TPX2: variants seen among roughly 807,000 people sequenced by gnomAD.
TPX2 encodes the protein TPX2 microtubule nucleation factor.
A neutral mutation model predicts 93.6 loss-of-function variants in TPX2; 21 were observed. That is an observed-to-expected ratio of 0.22 (90% CI 0.16 to 0.32). TPX2 has a LOEUF of 0.32. Among genes scored for constraint, TPX2 ranks in the 10% least tolerant of loss-of-function variants. The probability of loss-of-function intolerance (pLI) is 1.00; values close to 1 mark genes in which losing one functional copy is unlikely to be tolerated. For synonymous variants in TPX2, 281 were observed against 298.3 expected (o/e 0.94, Z 0.60); for missense variants, 776 against 871.1 (o/e 0.89, Z 1.37).
chr20:31,798,312 G>C, intron 16 of TPX2, 53 bp from the exon 17 acceptor site: 1 of 1,610,982 alleles, frequency 6.2e-7, no homozygotes, highest in South Asian at 1.1e-5. Context: ...AGGGGGCGTA[G>C]GTTTATGCAA....
intron 1 of TPX2, 56 bp from the exon 2 acceptor site, chr20:31,742,485 C>T (rs1371604273): frequency 6.6e-6 from 1 of 152,116 alleles, no homozygotes; most frequent in Non-Finnish European, 1.5e-5. Flanking sequence ...GCCTGTTAAC[C>T]CTTTTTTACT....
chr20:31,742,655 A>C lies in TPX2; in HGVS notation c.-71+8A>C, dbSNP rs928028078. On this transcript the variant is annotated splice_region_variant and intron_variant, in intron 2 of 17. Coordinates refer to ENST00000300403, the MANE Select transcript of TPX2 (RefSeq NM_012112.5). ...AGACTGATTAAACCACAGGTAAGGC[A>C]GTGACCATAGGAATAAGGAACATTA... 4 of 152,274 alleles carry C rather than the reference A, an allele frequency of 2.6e-5. No homozygotes were observed. The highest frequency in any genetic ancestry group is 2.0e-4 in the Admixed American group (3 of 15,288). The allele number at this position is 152,274 out of a possible 1,614,324, so 9.4% of individuals were successfully genotyped here.
chr20:31,788,825 A>G (rs549340981), intron 12 of TPX2, among the ~76,000 whole-genome samples: 2 of 152,292 alleles, frequency 1.3e-5, no homozygotes, highest in Admixed American at 1.3e-4. Flanking sequence ...ACCAGTGAGT[A>G]ATTTTAGCAG....
At chr20:31,760,204 C>T in intron 4 of TPX2, 25 bp downstream of exon 4, 3 of 1,612,194 alleles carry the variant, frequency 1.9e-6, no homozygotes, top group Non-Finnish European at 1.7e-6. Context: ...TAGAAAAAAG[C>T]TCCTTGATAG....
intron 12 of TPX2, among the ~76,000 whole-genome samples, chr20:31,786,041 T>C (rs186886546): frequency 5.8e-4 from 89 of 152,354 alleles, no homozygotes; most frequent in Non-Finnish European, 1.0e-3. Context: ...TAGCTAATAC[T>C]TATATAATGC....
intron 10 of TPX2, among the ~76,000 whole-genome samples, chr20:31,781,540 C>T (rs1240044248): frequency 6.6e-6 from 1 of 151,694 alleles, no homozygotes; most frequent in Non-Finnish European, 1.5e-5. Context: ...GCTGGGATTA[C>T]AGGCGTGAGC....
chr20:31,751,680 T>C (rs1347545111), intron 2 of TPX2, among the ~76,000 whole-genome samples: 2 of 152,218 alleles, frequency 1.3e-5, no homozygotes, highest in South Asian at 2.1e-4. Flanking sequence ...TCTGGACTTC[T>C]GTTAGTTGGA....
chr20:31,747,434 A>ATCTCTG (rs1568919702), intron 2 of TPX2, among the ~76,000 whole-genome samples: 2 of 151,472 alleles, frequency 1.3e-5, no homozygotes, highest in Non-Finnish European at 2.9e-5. Flanking sequence ...TTATATCTCT[A>ATCTCTG]TCTCTGTCTG....
chr20:31,800,980 C>G lies in TPX2; in HGVS notation c.2144C>G (p.Ala715Gly). 1 of 1,614,076 alleles carries G rather than the reference C, an allele frequency of 6.2e-7. No homozygotes were observed. Among genetic ancestry groups the G allele is most frequent in the Non-Finnish European group, 8.5e-7 (1 of 1,179,908 alleles). Residue 715 changes from alanine to glycine, a missense_variant, in exon 18 of 18, where the codon GCA (alanine) becomes GGA (glycine). By Grantham distance (60) the Ala-to-Gly change is moderately conservative. Transcript: ENST00000300403. Reference sequence around the variant, plus strand: ...TTCCTTACTTTGCAGGTGCATAAGGCAAATCCAATACGCAAGTACCAGGGT... The same window carrying G: ...TTCCTTACTTTGCAGGTGCATAAGGGAAATCCAATACGCAAGTACCAGGGT... ...ARLRRELVHKANPIRKYQGLE... is the reference protein window; with the variant it reads ...ARLRRELVHKGNPIRKYQGLE...
intron 2 of TPX2, among the ~76,000 whole-genome samples, chr20:31,749,081 G>A (rs2061802160): frequency 6.6e-6 from 1 of 151,994 alleles, no homozygotes; most frequent in African/African-American, 2.4e-5. Flanking sequence ...GAGTAGCTGG[G>A]ACTACAGGCA....
intron 12 of TPX2, among the ~76,000 whole-genome samples, chr20:31,784,210 G>T (rs1227922802): frequency 6.6e-6 from 1 of 152,180 alleles, no homozygotes. Flanking sequence ...AAAGTTCAGG[G>T]TGTGCTTTGT....
intron 10 of TPX2, among the ~76,000 whole-genome samples, chr20:31,780,048 A>G (rs1600383236): frequency 6.6e-6 from 1 of 152,188 alleles, no homozygotes; most frequent in Non-Finnish European, 1.5e-5. Context: ...ATATCCTTGC[A>G]TAGGCATTTT....
chr20:31,793,716 A>G, intron 13 of TPX2, 132 bp from the exon 14 acceptor site: 1 of 854,406 alleles, frequency 1.2e-6, no homozygotes, highest in Non-Finnish European at 1.7e-6. Context: ...TTGGATAGAA[A>G]AGGAAGCTAA....
intron 2 of TPX2, among the ~76,000 whole-genome samples, chr20:31,743,327 C>G (rs987042165): frequency 8.5e-5 from 13 of 152,106 alleles, no homozygotes; most frequent in African/African-American, 3.1e-4. Context: ...ACTTATAATA[C>G]TTAATACAAT....
At chr20:31,763,227 T>G (rs1014158313) in intron 4 of TPX2, among the ~76,000 whole-genome samples, 4 of 152,176 alleles carry the variant, frequency 2.6e-5, no homozygotes, top group African/African-American at 7.2e-5. Flanking sequence ...TTGCCCAGGC[T>G]GGAGTGCAGT....
Position 31,787,049 on chromosome 20 carries a change from C to T in TPX2, c.1413+3128C>T, listed in dbSNP as rs753953929. Among the ~76,000 whole-genome samples, 3 of 151,860 alleles carry T rather than the reference C, an allele frequency of 2.0e-5. 1 individual carries two copies. The highest frequency in any genetic ancestry group is 4.4e-5 in the Non-Finnish European group (3 of 67,992). ...AAAGCACTGAGTATGGTGCCTGACA[C>T]GCAGTAAGCAGGGGTATTATTAATA... On this transcript the variant is annotated intron_variant, in intron 12 of 17. Transcript: ENST00000300403.
chr20:31,785,005 C>T (rs888535610), intron 12 of TPX2, among the ~76,000 whole-genome samples: 3 of 152,168 alleles, frequency 2.0e-5, no homozygotes, highest in African/African-American at 7.2e-5. Flanking sequence ...GGGGAAACTG[C>T]ACCAATGTAT....
At chr20:31,779,839 G>A (rs1397961877) in intron 10 of TPX2, among the ~76,000 whole-genome samples, 1 of 152,160 alleles carries the variant, frequency 6.6e-6, no homozygotes, top group Non-Finnish European at 1.5e-5. Flanking sequence ...AAATACTGGG[G>A]GAGTTTGTAG....
intron 2 of TPX2, among the ~76,000 whole-genome samples, chr20:31,749,300 C>G (rs183689588): frequency 6.6e-6 from 1 of 152,330 alleles, no homozygotes; most frequent in Admixed American, 6.5e-5. Flanking sequence ...CCTTCGGTGT[C>G]TATTCCATTT....
Sources: gnomAD v4.1 joint callset for allele counts (sites outside exome capture counted in the v4.1 genomes callset) on GRCh38, gnomAD v4.1.1 for gene constraint, MANE v1.5 for transcripts, NCBI Gene and HGNC (gene_info 2026-07-23, HGNC 2026-07-21) for gene names.